The following ABLIM1 variants were observed in gnomAD, a reference collection of about 807,000 sequenced individuals.
ABLIM1 encodes actin binding LIM protein 1.
ABLIM1 carries 40 observed loss-of-function variants against 107.0 expected under a neutral mutation model. The observed-to-expected ratio is 0.37, with a 90% CI of 0.29 to 0.49. The LOEUF is 0.49. Among genes scored for constraint, ABLIM1 ranks in the 20% least tolerant of loss-of-function variants. ABLIM1 has a pLI of 0.97. For missense variants in ABLIM1, 857 were observed against 1,008.5 expected (o/e 0.85, Z 2.04); for synonymous variants, 357 against 357.3 (o/e 1.00, Z 0.01).
intron 1 of ABLIM1, among the ~76,000 whole-genome samples, chr10:114,693,683 C>G (rs2081134636): frequency 6.6e-6 from 1 of 151,102 alleles, no homozygotes; most frequent in Non-Finnish European, 1.5e-5. Context: ...GGGTCTTGCT[C>G]TGTCACTCAG....
At chr10:114,501,615 C>A (rs1176413171) in intron 6 of ABLIM1, among the ~76,000 whole-genome samples, 5 of 152,148 alleles carry the variant, frequency 3.3e-5, no homozygotes, top group Non-Finnish European at 7.4e-5. Context: ...AAGCAAAGTA[C>A]CACTATAAAC....
intron 7 of ABLIM1, among the ~76,000 whole-genome samples, chr10:114,489,629 CA>C (rs1370540827): frequency 1.3e-5 from 2 of 152,220 alleles, no homozygotes; most frequent in African/African-American, 4.8e-5. Flanking sequence ...GCAGAGGGCC[CA>C]GGGGTCAGGT....
chr10:114,592,722 A>T (rs1180172964), intron 2 of ABLIM1, among the ~76,000 whole-genome samples: 1 of 152,118 alleles, frequency 6.6e-6, no homozygotes, highest in Non-Finnish European at 1.5e-5. Flanking sequence ...TACTATGAAG[A>T]TGGGGCCATC....
intron 6 of ABLIM1, chr10:114,526,926 C>T (rs993100340): frequency 1.0e-6 from 1 of 985,514 alleles, no homozygotes. Context: ...CTCCTCTCCT[C>T]GCTTTACTTA....
chr10:114,755,854 T>C (rs2082618465), intron 1 of ABLIM1, among the ~76,000 whole-genome samples: 1 of 152,368 alleles, frequency 6.6e-6, no homozygotes, highest in Non-Finnish European at 1.5e-5. Context: ...TTTAACCACA[T>C]AGAAGTCTTA....
chr10:114,752,850 T>C (rs1346321056), intron 1 of ABLIM1, among the ~76,000 whole-genome samples: 1 of 152,214 alleles, frequency 6.6e-6, no homozygotes. Context: ...TTGATGGGCA[T>C]TTGGGTTGAT....
chr10:114,663,753 T>A (rs1399921936), intron 1 of ABLIM1, among the ~76,000 whole-genome samples: 15 of 152,194 alleles, frequency 9.9e-5, no homozygotes, highest in Non-Finnish European at 2.1e-4. Flanking sequence ...CAGTGGTTGG[T>A]AATTAGGAGA....
rs1566190580 is a variant in ABLIM1, at chr10:114,657,894, A to G, written c.244+63T>C. On this transcript the variant is annotated intron_variant, in intron 1 of 22. Coordinates refer to ENST00000533213, the MANE Select transcript of ABLIM1 (RefSeq NM_002313.7). ...ATTACAGAAGAATGATCTGGATAGTACTCTCTTAATTACGCCAATCACAAA... is the reference window on the plus strand; with the variant it reads ...ATTACAGAAGAATGATCTGGATAGTGCTCTCTTAATTACGCCAATCACAAA... 3.8e-6 allele frequency: 5 copies of G among 1,329,972 alleles called. No homozygotes were observed. In the East Asian group the frequency reaches 1.2e-4, roughly 31 times the overall value. The allele number at this position is 1,329,972 out of a possible 1,614,324, so 82.4% of individuals were successfully genotyped here.
chr10:114,660,920 C>T (rs369374392), upstream of ABLIM1, among the ~76,000 whole-genome samples: 2 of 152,172 alleles, frequency 1.3e-5, no homozygotes, highest in Non-Finnish European at 2.9e-5. Context: ...CAAAGCTGTT[C>T]GGCTTTCTTG....
intron 6 of ABLIM1, among the ~76,000 whole-genome samples, chr10:114,515,677 T>C (rs2062699135): frequency 6.6e-6 from 1 of 152,188 alleles, no homozygotes. Context: ...GAAATAGGGT[T>C]GTTGCAGATG....
intron 1 of ABLIM1, among the ~76,000 whole-genome samples, chr10:114,668,433 T>C (rs901635099): frequency 1.3e-5 from 2 of 152,124 alleles, no homozygotes; most frequent in Non-Finnish European, 2.9e-5. Flanking sequence ...ACAGCCCTAA[T>C]AGAAAAATGG....
chr10:114,538,356 C>T (rs2066258250), intron 6 of ABLIM1, among the ~76,000 whole-genome samples: 1 of 152,150 alleles, frequency 6.6e-6, no homozygotes, highest in African/African-American at 2.4e-5. Context: ...TAAATCCTGT[C>T]CTGCTGTCCA....
chr10:114,504,929 T>A (rs2060925396), intron 6 of ABLIM1, among the ~76,000 whole-genome samples: 1 of 152,194 alleles, frequency 6.6e-6, no homozygotes. Context: ...AAATTCACTT[T>A]GAGTCATATG....
intron 1 of ABLIM1, among the ~76,000 whole-genome samples, chr10:114,696,175 C>G (rs539501800): frequency 6.6e-6 from 1 of 152,308 alleles, no homozygotes; most frequent in South Asian, 2.1e-4. Flanking sequence ...AGGCTCCACC[C>G]AGGGAATGCC....
intron 1 of ABLIM1, among the ~76,000 whole-genome samples, chr10:114,623,539 T>G (rs1300426969): frequency 6.6e-6 from 1 of 152,166 alleles, no homozygotes; most frequent in Non-Finnish European, 1.5e-5. Flanking sequence ...CTATAAAAAT[T>G]TTGACTTACC....
At chr10:114,718,254 G>A in intron 1 of ABLIM1, among the ~76,000 whole-genome samples, 1 of 152,088 alleles carries the variant, frequency 6.6e-6, no homozygotes, top group Non-Finnish European at 1.5e-5. Context: ...AAATAAGTAT[G>A]TAGAGTGTCC....
chr10:114,687,005 C>T (rs2080957089), upstream of ABLIM1, among the ~76,000 whole-genome samples: 1 of 152,156 alleles, frequency 6.6e-6, no homozygotes, highest in African/African-American at 2.4e-5. Flanking sequence ...GTTGTGTGTT[C>T]CTTATCTTAA....
chr10:114,751,534 G>A (rs980601059), intron 1 of ABLIM1, among the ~76,000 whole-genome samples: 3 of 151,800 alleles, frequency 2.0e-5, no homozygotes, highest in African/African-American at 4.8e-5. Flanking sequence ...GGCAGATCAC[G>A]ATGCCAAGAG....
At chr10:114,628,854 C>T (rs1378380778) in intron 1 of ABLIM1, among the ~76,000 whole-genome samples, 1 of 152,072 alleles carries the variant, frequency 6.6e-6, no homozygotes, top group Non-Finnish European at 1.5e-5. Context: ...CACTATAACA[C>T]CCATTAGCTA....
Sources: allele counts gnomAD v4.1 joint callset (sites outside exome capture counted in the v4.1 genomes callset), GRCh38; gene constraint gnomAD v4.1.1; transcripts MANE v1.5; gene names NCBI Gene and HGNC (gene_info 2026-07-23, HGNC 2026-07-21).